SMIM19: variants seen among roughly 807,000 people sequenced by gnomAD.
The protein encoded by SMIM19 is UPF0697 protein C8orf40.
Under a neutral mutation model 13.2 loss-of-function variants are expected in SMIM19, and 6 were observed. That is an observed-to-expected ratio of 0.45 (90% confidence interval 0.25 to 0.90). The LOEUF is 0.90. SMIM19 is among the 40% of genes least tolerant of loss of function. The pLI is 0.19. For missense variants in SMIM19, 138 were observed against 131.0 expected (o/e 1.05, Z -0.26); for synonymous variants, 46 against 43.1 (o/e 1.07, Z -0.27).
intron 1 of SMIM19, among the ~76,000 whole-genome samples, chr8:42,543,894 A>G (rs1331476985): frequency 6.6e-6 from 1 of 152,204 alleles, no homozygotes; most frequent in Non-Finnish European, 1.5e-5. Flanking sequence ...AATCAGACAC[A>G]TAAAGTCATC....
At chr8:42,542,916 G>A (rs931820912) in intron 1 of SMIM19, among the ~76,000 whole-genome samples, 3 of 151,476 alleles carry the variant, frequency 2.0e-5, no homozygotes, top group African/African-American at 7.3e-5. Flanking sequence ...GGACGTCGAG[G>A]CTGCAGTGAG....
rs927615668 is a variant in SMIM19, at chr8:42,554,881, C to G, written c.*2273C>G. On this transcript the variant is annotated 3_prime_UTR_variant, in exon 4 of 4. Coordinates refer to ENST00000417410, the MANE Select transcript of SMIM19 (RefSeq NM_001135674.2). Reference sequence around the variant, plus strand: ...AAGATATTCAGCAGTAAGCACTGGTCAGCCTGCCCTGGTGCACAGCTTGAG... The same window carrying G: ...AAGATATTCAGCAGTAAGCACTGGTGAGCCTGCCCTGGTGCACAGCTTGAG... 5 of 152,232 alleles carry G rather than the reference C, an allele frequency of 3.3e-5. No homozygotes were observed. The highest frequency in any genetic ancestry group is 9.6e-5 in the African/African-American group (4 of 41,456). 9.4% of individuals were successfully genotyped at this position (152,232 alleles called of 1,614,324 possible).
chr8:42,544,597 C>T (rs1813415858), intron 1 of SMIM19, among the ~76,000 whole-genome samples: 1 of 149,588 alleles, frequency 6.7e-6, no homozygotes, highest in African/African-American at 2.5e-5. Flanking sequence ...CTAATTTTCA[C>T]GAGACAAATC....
At chr8:42,552,486 G>C in intron 3 of SMIM19, 58 bp from the exon 4 acceptor site, 1 of 1,519,550 alleles carries the variant, frequency 6.6e-7, no homozygotes, top group Non-Finnish European at 9.1e-7. Context: ...ATATTGTTAA[G>C]TAGTAATCAT....
chr8:42,550,433 G>A (rs1813636109), intron 3 of SMIM19, among the ~76,000 whole-genome samples: 1 of 152,142 alleles, frequency 6.6e-6, no homozygotes, highest in Non-Finnish European at 1.5e-5. Context: ...ACTTCAGGGT[G>A]CCTGCATGGT....
chr8:42,543,254 C>T (rs1813337916), intron 1 of SMIM19, among the ~76,000 whole-genome samples: 2 of 152,096 alleles, frequency 1.3e-5, no homozygotes, highest in African/African-American at 4.8e-5. Flanking sequence ...CTGTGGCATG[C>T]CGGGGAGGAG....
intron 1 of SMIM19, among the ~76,000 whole-genome samples, chr8:42,545,589 T>G (rs2974344): frequency 0.63 from 95,393 of 151,946 alleles, 30,117 homozygotes; most frequent in South Asian, 0.68. Context: ...GCATTGCAAC[T>G]GCCTGACCTC....
At chr8:42,543,885 A>T (rs1813378877) in intron 1 of SMIM19, among the ~76,000 whole-genome samples, 1 of 152,136 alleles carries the variant, frequency 6.6e-6, no homozygotes, top group African/African-American at 2.4e-5. Flanking sequence ...AGCATCTCAA[A>T]TCAGACACAT....
intron 1 of SMIM19, among the ~76,000 whole-genome samples, chr8:42,543,159 T>A (rs2974341): frequency 0.68 from 104,084 of 151,970 alleles, 36,497 homozygotes; most frequent in African/African-American, 0.84. Context: ...ATGTGAAAAA[T>A]GGTGTCTTGC....
intron 3 of SMIM19, among the ~76,000 whole-genome samples, chr8:42,551,786 T>TA (rs1304375671): frequency 1.3e-5 from 2 of 151,298 alleles, no homozygotes; most frequent in Non-Finnish European, 2.9e-5. Context: ...ATACTAAAAA[T>TA]AAAAAAAATT....
chr8:42,542,808 C>CT (rs991002765), intron 1 of SMIM19, among the ~76,000 whole-genome samples: 5 of 140,752 alleles, frequency 3.6e-5, no homozygotes, highest in African/African-American at 1.5e-4. Context: ...CCACCCCCGT[C>CT]TTTAAAAAAA....
intron 1 of SMIM19, among the ~76,000 whole-genome samples, chr8:42,544,517 G>GCA (rs765636365): frequency 0.54 from 82,339 of 151,412 alleles, 22,738 homozygotes; most frequent in Middle Eastern, 0.64. Context: ...ATAGTCTAGT[G>GCA]TTTAAACAAT....
rs559790575 is a variant in SMIM19 at position 42,548,587 on chromosome 8, G to T, written c.135-69G>T. The T allele has an allele frequency of 3.7e-5, 58 of 1,587,554 alleles. No individual in the cohort carries two copies. The African/African-American group carries it at 6.9e-4, about 19-fold the overall frequency. On this transcript the variant is annotated intron_variant, in intron 2 of 3. Coordinates refer to ENST00000417410, the MANE Select transcript of SMIM19 (RefSeq NM_001135674.2). ...TTTTACCACAGCTTCTGATGACCAG[G>T]ATCATGAGCATATTACAACTCTATA...
At chr8:42,548,464 C>T (rs1162822679) in intron 2 of SMIM19, 192 bp from the exon 3 acceptor site, 1 of 672,792 alleles carries the variant, frequency 1.5e-6, no homozygotes, top group Non-Finnish European at 2.6e-6. Flanking sequence ...ACTTTTCTCA[C>T]AGCCTCATAC....
rs749111874 is a variant in SMIM19 at position 42,546,489 on chromosome 8, G to C, written c.17G>C (p.Gly6Ala). MAGGYGVMGDDGSIDY... is the reference protein window; with the variant it reads MAGGYAVMGDDGSIDY... ...TACAGCCCCATGGCTGGGGGTTATG[G>C]AGTGATGGGTGACGATGGTTCTATT... The change falls in exon 2 of 4, where the codon GGA becomes GCA. Residue 6 changes from glycine to alanine, a missense_variant. By Grantham distance (60) the Gly-to-Ala change is moderately conservative. Coordinates refer to ENST00000417410, the MANE Select transcript of SMIM19 (RefSeq NM_001135674.2). 1.2e-6 allele frequency: 2 copies of C among 1,612,844 alleles called. No individual in the cohort carries two copies. Among genetic ancestry groups the C allele is most frequent in the Non-Finnish European group, 1.7e-6 (2 of 1,179,708 alleles).
chr8:42,541,518 GA>G (rs34936218), upstream of SMIM19: 625 of 125,782 alleles, frequency 5.0e-3, 2 homozygotes, highest in South Asian at 7.6e-3. Context: ...AAGGGGAAAG[GA>G]AAAAAAAAAA....
At chr8:42,544,982 GA>G (rs1050351188) in intron 1 of SMIM19, among the ~76,000 whole-genome samples, 2 of 152,128 alleles carry the variant, frequency 1.3e-5, no homozygotes, top group Non-Finnish European at 2.9e-5. Flanking sequence ...AGGCAGCGTA[GA>G]AAAAAATCAC....
At chr8:42,548,858 A>C (rs1458676953) in intron 3 of SMIM19, 78 bp downstream of exon 3, 101 of 1,425,054 alleles carry the variant, frequency 7.1e-5, no homozygotes, top group Non-Finnish European at 9.2e-5. Context: ...ATTTAGCAAA[A>C]TGTTATTAGA....
chr8:42,550,357 A>C (rs1813632672), intron 3 of SMIM19, among the ~76,000 whole-genome samples: 1 of 152,150 alleles, frequency 6.6e-6, no homozygotes, highest in African/African-American at 2.4e-5. Context: ...TAGTGGCTTA[A>C]ACCACACGAA....
Sources: gnomAD v4.1 joint callset for allele counts (sites outside exome capture counted in the v4.1 genomes callset) on GRCh38, gnomAD v4.1.1 for gene constraint, MANE v1.5 for transcripts, NCBI Gene and HGNC (gene_info 2026-07-23, HGNC 2026-07-21) for gene names.